ASIC2: variants seen among roughly 807,000 people sequenced by gnomAD.
ASIC2 encodes the protein acid sensing ion channel subunit 2.
A neutral mutation model predicts 57.3 loss-of-function variants in ASIC2; 25 were observed. That is an observed-to-expected ratio of 0.44 (90% CI 0.32 to 0.61). ASIC2 has a LOEUF of 0.61. ASIC2 is among the 20% of genes least tolerant of loss of function. The probability of loss-of-function intolerance (pLI) is 0.06; values close to 1 mark genes in which losing one functional copy is unlikely to be tolerated. For missense variants in ASIC2, 641 were observed against 738.1 expected (o/e 0.87, Z 1.52); for synonymous variants, 319 against 307.5 (o/e 1.04, Z -0.39).
intron 1 of ASIC2, among the ~76,000 whole-genome samples, chr17:33,886,885 T>G (rs1198999569): frequency 6.6e-6 from 1 of 152,150 alleles, no homozygotes; most frequent in Non-Finnish European, 1.5e-5. Context: ...CTCAAGTGAT[T>G]TGAAGGCATA....
chr17:33,433,954 A>C (rs766920303), intron 1 of ASIC2, among the ~76,000 whole-genome samples: 2 of 151,918 alleles, frequency 1.3e-5, no homozygotes, highest in Non-Finnish European at 2.9e-5. Context: ...GCACAGAGAA[A>C]CAATAGGTAA....
intron 1 of ASIC2, among the ~76,000 whole-genome samples, chr17:33,406,448 GCT>G (rs1022266896): frequency 5.3e-5 from 8 of 152,166 alleles, no homozygotes; most frequent in Non-Finnish European, 1.0e-4. Context: ...GGTTCTGATT[GCT>G]CTTTCTTTTG....
At chr17:34,082,766 C>T (rs772475050) in intron 1 of ASIC2, among the ~76,000 whole-genome samples, 3 of 152,226 alleles carry the variant, frequency 2.0e-5, no homozygotes, top group Non-Finnish European at 4.4e-5. Flanking sequence ...ACTGCTACCA[C>T]TTTTAAGTTG....
At chr17:33,037,071 A>G (rs1048194713) in intron 3 of ASIC2, among the ~76,000 whole-genome samples, 2 of 151,620 alleles carry the variant, frequency 1.3e-5, no homozygotes, top group Non-Finnish European at 2.9e-5. Context: ...TATCTATGTA[A>G]CAAACCTTCA....
At chr17:33,871,241 G>A (rs1194040078) in intron 1 of ASIC2, among the ~76,000 whole-genome samples, 1 of 152,210 alleles carries the variant, frequency 6.6e-6, no homozygotes, top group East Asian at 1.9e-4. Flanking sequence ...AGAGAGGGTG[G>A]ACATCACAGG....
chr17:33,831,524 T>C (rs1241715855), intron 1 of ASIC2, among the ~76,000 whole-genome samples: 2 of 151,878 alleles, frequency 1.3e-5, no homozygotes, highest in African/African-American at 2.4e-5. Flanking sequence ...GATGAGACTA[T>C]CATTAGGCAG....
intron 1 of ASIC2, among the ~76,000 whole-genome samples, chr17:33,849,584 C>T (rs1188647610): frequency 6.6e-6 from 1 of 152,164 alleles, no homozygotes; most frequent in Admixed American, 6.5e-5. Flanking sequence ...TCATGGAAGC[C>T]TTACCCAGGG....
intron 1 of ASIC2, among the ~76,000 whole-genome samples, chr17:33,594,001 C>G (rs1285963869): frequency 6.6e-6 from 1 of 152,228 alleles, no homozygotes. Context: ...ATTTTCATCC[C>G]TATTCCAGCC....
chr17:33,136,185 C>G (rs1349113903), intron 1 of ASIC2, among the ~76,000 whole-genome samples: 1 of 152,128 alleles, frequency 6.6e-6, no homozygotes, highest in Non-Finnish European at 1.5e-5. Flanking sequence ...CTATTGTTTG[C>G]TATATATAAA....
chr17:33,829,297 T>G (rs981553054), intron 1 of ASIC2, among the ~76,000 whole-genome samples: 1 of 152,194 alleles, frequency 6.6e-6, no homozygotes, highest in South Asian at 2.1e-4. Flanking sequence ...CATTGTAGGA[T>G]TCTGGGAGCT....
chr17:33,970,076 C>T (rs902761705), intron 1 of ASIC2, among the ~76,000 whole-genome samples: 6 of 152,094 alleles, frequency 3.9e-5, no homozygotes, highest in African/African-American at 1.4e-4. Context: ...CAGTGTTTCT[C>T]AGTCTCTGAA....
chr17:33,612,408 G>A (rs1465932719), intron 1 of ASIC2, among the ~76,000 whole-genome samples: 1 of 152,110 alleles, frequency 6.6e-6, no homozygotes, highest in Admixed American at 6.6e-5. Context: ...ATGGCAAAAG[G>A]GCGTTTTGGG....
At chr17:33,381,341 G>A (rs59967284) in intron 1 of ASIC2, among the ~76,000 whole-genome samples, 1 of 152,232 alleles carries the variant, frequency 6.6e-6, no homozygotes, top group Non-Finnish European at 1.5e-5. Context: ...CAAGAGCATG[G>A]GGGGAGGAAC....
At chr17:34,015,161 G>T in intron 1 of ASIC2, among the ~76,000 whole-genome samples, 1 of 143,976 alleles carries the variant, frequency 6.9e-6, no homozygotes, top group East Asian at 2.1e-4. Context: ...TATCTGCCTT[G>T]GCCTCCCCAA....
intron 1 of ASIC2, chr17:33,791,909 G>A (rs968217599): frequency 2.0e-5 from 3 of 152,106 alleles, no homozygotes; most frequent in African/African-American, 7.2e-5. Context: ...CTGGGCTCAG[G>A]CGATCCTCCC....
At position 33,868,856 on chromosome 17, in the gene ASIC2, G is replaced by A. The variant is rs1028494339; in HGVS notation, c.555+287122C>T. Among the ~76,000 whole-genome samples, 3 of 152,200 alleles carry A rather than the reference G, an allele frequency of 2.0e-5. No individual in the cohort carries two copies. In the South Asian group the frequency reaches 6.2e-4, roughly 31 times the overall value. Reference sequence around the variant, plus strand: ...AGATGGGAGGATCACTTGAAGCCAGGAGTTTAAGACCAGCCAGGGAAACAT... The same window carrying A: ...AGATGGGAGGATCACTTGAAGCCAGAAGTTTAAGACCAGCCAGGGAAACAT... On this transcript the variant is annotated intron_variant, in intron 1 of 9. Coordinates refer to the ASIC2 transcript ENST00000359872.
At chr17:33,589,392 A>T (rs944070177) in intron 1 of ASIC2, among the ~76,000 whole-genome samples, 1 of 152,140 alleles carries the variant, frequency 6.6e-6, no homozygotes, top group Non-Finnish European at 1.5e-5. Flanking sequence ...TGTTTTAACC[A>T]TTCTTATGTG....
chr17:33,755,396 T>A (rs1910571908), intron 1 of ASIC2, among the ~76,000 whole-genome samples: 1 of 152,152 alleles, frequency 6.6e-6, no homozygotes, highest in Admixed American at 6.6e-5. Context: ...CAGTTCCTGA[T>A]GTGTTACAAT....
intron 1 of ASIC2, among the ~76,000 whole-genome samples, chr17:33,556,304 G>T (rs1010129873): frequency 6.6e-6 from 1 of 152,156 alleles, no homozygotes; most frequent in Non-Finnish European, 1.5e-5. Flanking sequence ...GTTCCTAGAG[G>T]GGCCTAAGGC....
Sources: gnomAD v4.1 joint callset for allele counts (sites outside exome capture counted in the v4.1 genomes callset) on GRCh38, gnomAD v4.1.1 for gene constraint, MANE v1.5 for transcripts, NCBI Gene and HGNC (gene_info 2026-07-23, HGNC 2026-07-21) for gene names.